Variants in CSE1L observed in about 807,000 individuals in gnomAD.
CSE1L encodes chromosome segregation 1 like.
Under a neutral mutation model 120.4 loss-of-function variants are expected in CSE1L, and 24 were observed. That is an observed-to-expected ratio of 0.20 (90% CI 0.14 to 0.28). The LOEUF (loss-of-function observed/expected upper bound fraction) is 0.28, where lower values mean the gene tolerates loss of function less well. Ranked by LOEUF, CSE1L falls within the 10% of genes least tolerant of loss-of-function variation. The pLI, the probability that CSE1L is intolerant of heterozygous loss-of-function variation, is 1.00. For missense variants in CSE1L, 830 were observed against 1,145.2 expected, an observed-to-expected ratio of 0.72 and a Z score of 3.97; for synonymous variants, 402 against 398.3, an observed-to-expected ratio of 1.01 and a Z score of -0.11.
chr20:49,057,478 A>G (rs1172562274), intron 1 of CSE1L, among the ~76,000 whole-genome samples: 1 of 139,900 alleles, frequency 7.1e-6, no homozygotes, highest in African/African-American at 2.7e-5. Context: ...TTTTTAAGAC[A>G]GGTCTTGCTC....
intron 24 of CSE1L, chr20:49,095,193 G>A (rs1423432521): frequency 1.5e-6 from 1 of 649,666 alleles, no homozygotes. Flanking sequence ...AACAAAGGAG[G>A]AAAAATCCCT....
At chr20:49,086,358 C>CT (rs1363422177) in intron 16 of CSE1L, among the ~76,000 whole-genome samples, 2 of 95,126 alleles carry the variant, frequency 2.1e-5, no homozygotes, top group African/African-American at 1.0e-4. Context: ...TGTTTAATGT[C>CT]CTTTTTTTTT....
intron 22 of CSE1L, 107 bp from the exon 23 acceptor site, chr20:49,094,033 T>G: frequency 1.3e-6 from 1 of 741,512 alleles, no homozygotes. Flanking sequence ...AGCAGTCTTG[T>G]TATTTAGTAA....
In CSE1L at chr20:49,088,098, G is replaced by A. The variant is rs372016863; in HGVS notation, c.1813G>A (p.Val605Ile). The change falls in exon 17 of 25, where the codon GTT becomes ATT. Residue 605 changes from valine to isoleucine, a missense_variant. This residue lies in a region of CSE1L where 168 missense variants were observed against 267.9 expected (regional missense o/e 0.63). Coordinates refer to ENST00000262982, the MANE Select transcript of CSE1L (RefSeq NM_001316.4). ...TCAGCTTACACAGAAGCTATTAGCT[G>A]TTAGTAAGGTAATAGAGCCAATTTT... ...ITQLTQKLLA[V>I]SKNPSKPHFN... 10 of 1,607,962 alleles carry A rather than the reference G, an allele frequency of 6.2e-6. No individual in the cohort carries two copies. The African/African-American group carries it at 6.7e-5, about 11-fold the overall frequency.
rs542061849 is a variant in CSE1L at position 49,053,471 on chromosome 20, G to C, written c.-11-4982G>C. 3.8e-3 allele frequency among the ~76,000 whole-genome samples: 539 copies of C among 141,816 alleles called. 2 individuals are homozygous for C. The highest frequency in any genetic ancestry group is 0.014 in the African/African-American group (521 of 37,910). The allele number at this position is 141,816 out of a possible 152,430, so 93.0% of individuals were successfully genotyped here. ...CCTCCCAGGTTCAAGCAATTCTCCT[G>C]CCTCAGCCTCCCAAGTAGCTGGGAT... On this transcript the variant is annotated intron_variant, in intron 1 of 24. Transcript: ENST00000262982.
chr20:49,067,928 C>CTTTTTTTTTTTTTTT (rs10567768), intron 6 of CSE1L, among the ~76,000 whole-genome samples: 5 of 78,498 alleles, frequency 6.4e-5, no homozygotes, highest in Admixed American at 3.9e-4. Context: ...TTCCCTCTCT[C>CTTTTTTTTTTTTTTT]TTTTTTTTTT....
At chr20:49,058,126 A>C (rs947123767) in intron 1 of CSE1L, among the ~76,000 whole-genome samples, 4 of 151,720 alleles carry the variant, frequency 2.6e-5, no homozygotes, top group African/African-American at 4.8e-5. Flanking sequence ...CTTAACCTTT[A>C]TTAGCCCTTT....
At position 49,066,345 on chromosome 20, in the gene CSE1L, T is replaced by C; in HGVS notation, c.331-20T>C. 6.2e-7 allele frequency: 1 copy of C among 1,614,158 alleles called. No individual in the cohort carries two copies. The highest frequency in any genetic ancestry group is 8.5e-7 in the Non-Finnish European group (1 of 1,180,012). The stretch of plus-strand genomic sequence containing the variant: ...GCTCCTCTGTAAAGCTCTGATCTAA[T>C]TAATCTTTTCCTCTCCTAGTTAAGT... On this transcript the variant is annotated intron_variant, in intron 4 of 24. Coordinates refer to ENST00000262982, the MANE Select transcript of CSE1L (RefSeq NM_001316.4).
chr20:49,070,349 T>C (rs756250536), intron 8 of CSE1L, 52 bp downstream of exon 8: 5 of 859,684 alleles, frequency 5.8e-6, no homozygotes, highest in South Asian at 1.5e-5. Flanking sequence ...TTAAGAGTTA[T>C]TTGGCTACAG....
intron 2 of CSE1L, among the ~76,000 whole-genome samples, chr20:49,061,627 C>A (rs1600595072): frequency 6.7e-6 from 1 of 150,004 alleles, no homozygotes. Context: ...CTCAGCCTCC[C>A]GAGTAGCTGG....
chr20:49,072,315 C>A lies in CSE1L; in HGVS notation c.798C>A (p.Leu266=). 1 of 1,614,066 alleles carries A rather than the reference C, an allele frequency of 6.2e-7. No homozygotes were observed. Among genetic ancestry groups the A allele is most frequent in the Non-Finnish European group, 8.5e-7 (1 of 1,179,998 alleles). Residue 266 remains leucine (L), a synonymous_variant, in exon 9 of 25, where the codon CTC becomes CTA. Coordinates refer to ENST00000262982, the MANE Select transcript of CSE1L (RefSeq NM_001316.4). ...AAGAGGAAGCCGGCTTATTGGAGCTCTTAAAATCCCAGATTTGTGATAATG... is the reference window on the plus strand; with the variant it reads ...AAGAGGAAGCCGGCTTATTGGAGCTATTAAAATCCCAGATTTGTGATAATG... ...DDEEEAGLLE[L]LKSQICDNAA... is the part of the protein sequence containing the mutation.
In CSE1L at chr20:49,046,404, C is replaced by T. The variant is rs988098059; in HGVS notation, c.-31C>T. 2.6e-5 allele frequency: 4 copies of T among 152,376 alleles called. No homozygotes were observed. Among genetic ancestry groups the T allele is most frequent in the Admixed American group, 6.5e-5 (1 of 15,290 alleles). The allele number at this position is 152,376 out of a possible 1,614,324, so 9.4% of individuals were successfully genotyped here. A position where few individuals can be genotyped will look rare whatever the true frequency, so the allele number is the denominator to read the frequency against. On this transcript the variant is annotated 5_prime_UTR_variant, in exon 1 of 25. Transcript: ENST00000262982. ...GGTCCGCGGCTGGGGTTCCCTCCTC[C>T]GTTTCTGTATCCCCACGAGGTGAGG...
intron 6 of CSE1L, among the ~76,000 whole-genome samples, 172 bp from the exon 7 acceptor site, chr20:49,068,543 G>A (rs576185072): frequency 6.6e-6 from 1 of 152,308 alleles, no homozygotes; most frequent in South Asian, 2.1e-4. Flanking sequence ...AGCTTGCAGC[G>A]AGCCGAGATT....
intron 8 of CSE1L, among the ~76,000 whole-genome samples, chr20:49,072,085 T>C (rs1199218031): frequency 6.6e-6 from 1 of 152,212 alleles, no homozygotes; most frequent in African/African-American, 2.4e-5. Flanking sequence ...TGTTTGAATC[T>C]AATACGGAAA....
chr20:49,075,385 T>C lies in CSE1L; in HGVS notation c.1200T>C (p.Pro400=). The part of the protein sequence containing the change: ...VRGLCKFFEG[P]VTGIFSGYVN... ...GATTATGCAAGTTTTTTGAGGGACCTGTGACAGGAATCTTCTCTGGTTATG... is the reference window on the plus strand; with the variant it reads ...GATTATGCAAGTTTTTTGAGGGACCCGTGACAGGAATCTTCTCTGGTTATG... Residue 400 remains proline, a synonymous_variant, in exon 12 of 25, where the codon CCT becomes CCC. Coordinates refer to ENST00000262982, the MANE Select transcript of CSE1L (RefSeq NM_001316.4). The C allele has an allele frequency of 1.2e-6, 2 of 1,614,124 alleles. No individual in the cohort carries two copies. Among genetic ancestry groups the C allele is most frequent in the East Asian group, 2.2e-5 (1 of 44,872 alleles).
chr20:49,076,901 TA>T, intron 12 of CSE1L, 78 bp from the exon 13 acceptor site: 1 of 884,768 alleles, frequency 1.1e-6, no homozygotes, highest in Non-Finnish European at 1.7e-6. Flanking sequence ...CATGGTTTTC[TA>T]AAATTGCCTG....
In CSE1L at chr20:49,096,099, C is replaced by T. The variant is rs191925688; in HGVS notation, c.2827-250C>T. 9 of 650,044 alleles carry T rather than the reference C, an allele frequency of 1.4e-5. No individual in the cohort carries two copies. The African/African-American group carries it at 1.6e-4, about 12-fold the overall frequency. 40.3% of individuals were successfully genotyped at this position (650,044 alleles called of 1,614,324 possible). On this transcript the variant is annotated intron_variant, in intron 24 of 24. Transcript: ENST00000262982. ...AAGTACCTTATTCTACATCATTAAC[C>T]AGTAAGGACTTTTTAATTAACCACA...
chr20:49,080,251 G>GT (rs1409553885), intron 14 of CSE1L, among the ~76,000 whole-genome samples: 28 of 147,238 alleles, frequency 1.9e-4, no homozygotes, highest in East Asian at 6.1e-4. Flanking sequence ...TGGTTGTTTT[G>GT]TTTTTTTTTA....
intron 3 of CSE1L, among the ~76,000 whole-genome samples, chr20:49,063,978 G>T (rs1179729480): frequency 6.6e-6 from 1 of 152,100 alleles, no homozygotes; most frequent in Non-Finnish European, 1.5e-5. Context: ...TAAGAAACAG[G>T]CATTTTTTTT....
Sources: gnomAD v4.1 joint callset for allele counts (sites outside exome capture counted in the v4.1 genomes callset) on GRCh38, gnomAD v4.1.1 for gene constraint, gnomAD v4.1.1 regional missense constraint, MANE v1.5 for transcripts, NCBI Gene and HGNC (gene_info 2026-07-23, HGNC 2026-07-21) for gene names.